Variants in TJP1 observed in about 807,000 individuals in gnomAD.
TJP1 encodes the protein tight junction protein ZO-1.
Under a neutral mutation model 194.2 loss-of-function variants are expected in TJP1, and 43 were observed. That is an observed-to-expected ratio of 0.22 (90% CI 0.17 to 0.29). The LOEUF (loss-of-function observed/expected upper bound fraction) is 0.29, where lower values mean the gene tolerates loss of function less well. Among genes scored for constraint, TJP1 ranks in the 10% least tolerant of loss-of-function variants. TJP1 has a pLI of 1.00. For synonymous variants in TJP1, 801 were observed against 779.0 expected, an observed-to-expected ratio of 1.03 and a Z score of -0.47; for missense variants, 1,971 against 2,185.7, an observed-to-expected ratio of 0.90 and a Z score of 1.96.
chr15:29,732,375 C>T, intron 15 of TJP1, 58 bp downstream of exon 15: 4 of 1,392,592 alleles, frequency 2.9e-6, no homozygotes, highest in Non-Finnish European at 4.0e-6. Context: ...AATCAGAACT[C>T]ACTCACTTTA....
At chr15:29,788,737 A>G (rs912651787) in intron 2 of TJP1, among the ~76,000 whole-genome samples, 4 of 152,230 alleles carry the variant, frequency 2.6e-5, no homozygotes, top group African/African-American at 7.2e-5. Context: ...ACATAATTCT[A>G]TTTTAGAAAA....
intron 2 of TJP1, among the ~76,000 whole-genome samples, chr15:29,852,778 C>A (rs1405593040): frequency 6.6e-6 from 1 of 151,994 alleles, no homozygotes; most frequent in East Asian, 1.9e-4. Context: ...GTGGTGCATG[C>A]CTGTAGTCCC....
intron 10 of TJP1, 161 bp downstream of exon 10, chr15:29,741,170 T>C: frequency 1.8e-6 from 1 of 563,372 alleles, no homozygotes; most frequent in South Asian, 2.7e-5. Context: ...TAACTCACTA[T>C]CATATATAAG....
At chr15:29,749,713 C>G (rs565366819) in intron 8 of TJP1, among the ~76,000 whole-genome samples, 2 of 152,180 alleles carry the variant, frequency 1.3e-5, no homozygotes, top group African/African-American at 2.4e-5. Context: ...TTCTCGGCCA[C>G]TCAGTGAGCA....
intron 10 of TJP1, 44 bp from the exon 11 acceptor site, chr15:29,737,458 A>C: frequency 6.2e-7 from 1 of 1,608,078 alleles, no homozygotes; most frequent in East Asian, 2.2e-5. Flanking sequence ...AGAAGAGCTT[A>C]AAACGTTATA....
intron 1 of TJP1, among the ~76,000 whole-genome samples, chr15:29,821,768 G>A (rs1013222176): frequency 6.0e-5 from 9 of 150,480 alleles, no homozygotes; most frequent in African/African-American, 2.2e-4. Context: ...TACGGCGGCC[G>A]GGCGCCCGCA....
intron 2 of TJP1, chr15:29,800,375 A>G (rs2048703641): frequency 2.2e-6 from 1 of 450,552 alleles, no homozygotes; most frequent in African/African-American, 2.0e-5. Context: ...TAATGTACAG[A>G]GTCTTTTATC....
At chr15:29,789,171 T>C (rs769547681) in intron 2 of TJP1, among the ~76,000 whole-genome samples, 2 of 152,188 alleles carry the variant, frequency 1.3e-5, no homozygotes, top group African/African-American at 2.4e-5. Context: ...AATTTACATA[T>C]GTGGTTTATA....
intron 2 of TJP1, among the ~76,000 whole-genome samples, chr15:29,861,940 C>T (rs1382175475): frequency 6.6e-6 from 1 of 152,114 alleles, no homozygotes; most frequent in Admixed American, 6.6e-5. Flanking sequence ...TGAAGACTTA[C>T]TCCTGTGTTT....
chr15:29,844,383 T>C (rs1184750522), intron 2 of TJP1, among the ~76,000 whole-genome samples: 3 of 152,156 alleles, frequency 2.0e-5, no homozygotes, highest in African/African-American at 7.2e-5. Context: ...GTGGCTGTTC[T>C]AACAGAAACG....
At chr15:29,818,169 A>C (rs1327859961) in intron 1 of TJP1, among the ~76,000 whole-genome samples, 1 of 152,220 alleles carries the variant, frequency 6.6e-6, no homozygotes, top group Non-Finnish European at 1.5e-5. Flanking sequence ...CCCGAGACTT[A>C]ACAAAAACAT....
At position 29,866,970 on chromosome 15, in the gene TJP1, G is replaced by A. The variant is rs76035154; in HGVS notation, c.307-66268C>T. Among the ~76,000 whole-genome samples, 254 of 152,280 alleles carry A rather than the reference G, an allele frequency of 1.7e-3. 3 individuals carry two copies. The East Asian group carries it at 0.031, about 18-fold the overall frequency. ...AAAGATACTCAGACTGAGCCTGAGC[G>A]CGTCTTCACTCAGTTCCAGTTTCAT... On this transcript the variant is annotated intron_variant, in intron 2 of 28. Coordinates refer to the TJP1 transcript ENST00000356107.
intron 2 of TJP1, among the ~76,000 whole-genome samples, chr15:29,777,025 C>T (rs2047056335): frequency 6.6e-6 from 1 of 151,656 alleles, no homozygotes; most frequent in Non-Finnish European, 1.5e-5. Context: ...TGCCTGCCTT[C>T]CACCCCCCCC....
chr15:29,738,747 T>C (rs916924895), intron 10 of TJP1, among the ~76,000 whole-genome samples: 2 of 151,530 alleles, frequency 1.3e-5, no homozygotes, highest in Non-Finnish European at 2.9e-5. Flanking sequence ...CAGGTCTCAG[T>C]TGGGTGTGGC....
chr15:29,747,379 CA>C (rs1464805608), intron 8 of TJP1, among the ~76,000 whole-genome samples: 1 of 152,088 alleles, frequency 6.6e-6, no homozygotes, highest in Non-Finnish European at 1.5e-5. Context: ...AAGTATAAAT[CA>C]ACAAAATTAA....
intron 2 of TJP1, among the ~76,000 whole-genome samples, chr15:29,882,295 G>A (rs1043885095): frequency 6.6e-6 from 1 of 152,110 alleles, no homozygotes; most frequent in East Asian, 1.9e-4. Context: ...AAGGGGAGAG[G>A]ACATGTCAGT....
intron 1 of TJP1, among the ~76,000 whole-genome samples, chr15:29,808,252 A>G (rs1197651582): frequency 6.6e-6 from 1 of 152,206 alleles, no homozygotes; most frequent in Non-Finnish European, 1.5e-5. Flanking sequence ...TGGGTGACAC[A>G]GTGAGACTGT....
chr15:29,773,410 A>G lies in TJP1; in HGVS notation c.85-53T>C, dbSNP rs1595845960. ...GCTATTAAGGACAAAAATAATTGTTATATCATACTCTACAATCTAGAGAAG... is the reference window on the plus strand; with the variant it reads ...GCTATTAAGGACAAAAATAATTGTTGTATCATACTCTACAATCTAGAGAAG... On this transcript the variant is annotated intron_variant, in intron 2 of 27. Transcript: ENST00000614355. The G allele has an allele frequency of 1.7e-5, 27 of 1,571,162 alleles. No individual in the cohort carries two copies. The East Asian group carries it at 5.4e-4, about 31-fold the overall frequency.
At chr15:29,921,643 T>A (rs753586623) in intron 2 of TJP1, among the ~76,000 whole-genome samples, 18 of 152,200 alleles carry the variant, frequency 1.2e-4, no homozygotes, top group Non-Finnish European at 2.5e-4. Flanking sequence ...TTTCCACCGC[T>A]GCATCTTCCC....
Sources: allele counts gnomAD v4.1 joint callset (sites outside exome capture counted in the v4.1 genomes callset), GRCh38; gene constraint gnomAD v4.1.1; transcripts MANE v1.5; gene names NCBI Gene and HGNC (gene_info 2026-07-23, HGNC 2026-07-21).